The following TARP variants were observed in gnomAD, a reference collection of about 807,000 sequenced individuals.
the TARP span, among the ~76,000 whole-genome samples, chr7:38,262,913 C>A: frequency 6.6e-6 from 1 of 151,656 alleles, no homozygotes; most frequent in Admixed American, 6.6e-5. Context: ...CCTGCCTTGT[C>A]CTCACAAAAT....
At chr7:38,261,809 T>C in the TARP span, among the ~76,000 whole-genome samples, 1 of 145,358 alleles carries the variant, frequency 6.9e-6, no homozygotes, top group Non-Finnish European at 1.5e-5. Flanking sequence ...GAGGCGGAGG[T>C]TGTGGTGAGC....
the TARP span, among the ~76,000 whole-genome samples, chr7:38,264,325 G>A: frequency 1.3e-5 from 2 of 151,578 alleles, no homozygotes; most frequent in African/African-American, 2.4e-5. Flanking sequence ...GGGCACAGTG[G>A]CTGACGCCCA....
the TARP span, among the ~76,000 whole-genome samples, chr7:38,264,519 A>C: frequency 1.6e-4 from 24 of 150,428 alleles, no homozygotes; most frequent in Non-Finnish European, 3.1e-4. Context: ...TGAACCCGGG[A>C]GGTGGAGGTT....
At chr7:38,270,114 T>C in the TARP span, among the ~76,000 whole-genome samples, 1 of 151,966 alleles carries the variant, frequency 6.6e-6, no homozygotes, top group Admixed American at 6.6e-5. Context: ...AAATAAATGC[T>C]ATGGAAATAT....
At chr7:38,273,401 T>C in the TARP span, among the ~76,000 whole-genome samples, 4 of 151,366 alleles carry the variant, frequency 2.6e-5, no homozygotes, top group Non-Finnish European at 4.4e-5. Flanking sequence ...TCTAAGCTCC[T>C]TAGTAATGTC....
At chr7:38,269,933 T>C in the TARP span, among the ~76,000 whole-genome samples, 8 of 151,656 alleles carry the variant, frequency 5.3e-5, no homozygotes, top group African/African-American at 1.9e-4. Context: ...GACCCCATAT[T>C]CACTAAAAAT....
chr7:38,265,590 G>T, the TARP span: 4 of 1,612,046 alleles, frequency 2.5e-6, no homozygotes, highest in Non-Finnish European at 3.4e-6. Flanking sequence ...GAAGACAAAG[G>T]TATGTTCCAG....
At chr7:38,272,106 G>A in the TARP span, among the ~76,000 whole-genome samples, 1 of 150,938 alleles carries the variant, frequency 6.6e-6, no homozygotes, top group East Asian at 1.9e-4. Context: ...TTTAGAAGCA[G>A]GTACAATTAG....
At chr7:38,268,984 G>A in the TARP span, among the ~76,000 whole-genome samples, 1 of 151,532 alleles carries the variant, frequency 6.6e-6, no homozygotes. Context: ...ATACAACCCT[G>A]CTGAATTCAT....
chr7:38,268,752 G>A, the TARP span, among the ~76,000 whole-genome samples: 1 of 151,698 alleles, frequency 6.6e-6, no homozygotes, highest in Non-Finnish European at 1.5e-5. Context: ...TTCAATTTTT[G>A]CGTGTGTGAG....
chr7:38,269,619 A>G, the TARP span: 1 of 604,494 alleles, frequency 1.7e-6, no homozygotes, highest in Non-Finnish European at 2.9e-6. Flanking sequence ...GGGATTCTCA[A>G]AAGACCAGGG....
the TARP span, among the ~76,000 whole-genome samples, chr7:38,263,518 T>C: frequency 2.6e-5 from 4 of 151,604 alleles, no homozygotes; most frequent in African/African-American, 7.3e-5. Context: ...CAGCAAATGG[T>C]TGTTTTTATT....
the TARP span, among the ~76,000 whole-genome samples, chr7:38,267,469 A>C: frequency 6.6e-6 from 1 of 151,686 alleles, no homozygotes; most frequent in East Asian, 1.9e-4. Context: ...TAAGAAAATA[A>C]GAATTAAATT....
At chr7:38,259,826 A>G in the TARP span, 1 of 434,312 alleles carries the variant, frequency 2.3e-6, no homozygotes, top group South Asian at 2.6e-5. Flanking sequence ...AGCAGGCGCT[A>G]TTTGGGTTGG....
chr7:38,267,124 C>T, the TARP span, among the ~76,000 whole-genome samples: 11 of 151,566 alleles, frequency 7.3e-5, no homozygotes, highest in Admixed American at 4.6e-4. Context: ...CTCTTTATGT[C>T]TCTCCCAGAA....
At chr7:38,259,651 A>G in the TARP span, 1 of 160,726 alleles carries the variant, frequency 6.2e-6, no homozygotes, top group East Asian at 1.8e-4. Flanking sequence ...TCAACTTTTC[A>G]TTTTTTTAAA....
At chr7:38,269,977 C>T in the TARP span, among the ~76,000 whole-genome samples, 28 of 151,856 alleles carry the variant, frequency 1.8e-4, no homozygotes, top group African/African-American at 6.5e-4. Context: ...ATGTGCACGA[C>T]TGTAGGCCCA....
chr7:38,262,181 T>C, the TARP span: 8 of 1,612,494 alleles, frequency 5.0e-6, 1 homozygote, highest in Non-Finnish European at 6.8e-6. Flanking sequence ...CATTTGCATC[T>C]TTTGAACAAT....
At chr7:38,262,171 C>A in the TARP span, 2 of 1,611,142 alleles carry the variant, frequency 1.2e-6, no homozygotes, top group Admixed American at 1.7e-5. Flanking sequence ...AAAAGCTTAC[C>A]ATTTGCATCT....
Sources: gnomAD v4.1 joint callset for allele counts (sites outside exome capture counted in the v4.1 genomes callset) on GRCh38, gnomAD v4.1.1 for gene constraint, MANE v1.5 for transcripts.